INTS3: variants seen among roughly 807,000 people sequenced by gnomAD.
INTS3 encodes the protein SOSS complex subunit A.
A neutral mutation model predicts 146.3 loss-of-function variants in INTS3; 34 were observed. The ratio of observed to expected loss-of-function variants is 0.23; its 90% CI spans 0.18 to 0.31. The LOEUF is 0.31. INTS3 is among the 10% of genes least tolerant of loss of function. The pLI is 1.00. For missense variants in INTS3, 757 were observed against 1,304.2 expected, an observed-to-expected ratio of 0.58 and a Z score of 6.46; for synonymous variants, 475 against 494.9, an observed-to-expected ratio of 0.96 and a Z score of 0.53.
intron 11 of INTS3, chr1:153,760,041 T>C (rs1243608484): frequency 3.7e-6 from 2 of 546,014 alleles, no homozygotes; most frequent in Non-Finnish European, 3.3e-6. Context: ...GCCATTCATG[T>C]ATATTGACAT....
At chr1:153,752,469 T>C in intron 8 of INTS3, 61 bp downstream of exon 8, 1 of 1,539,750 alleles carries the variant, frequency 6.5e-7, no homozygotes, top group Non-Finnish European at 8.8e-7. Context: ...TATGTCTTGC[T>C]TGAATCAAGA....
chr1:153,734,294 C>CCCAGTCCG (rs1671204037), intron 1 of INTS3, among the ~76,000 whole-genome samples: 1 of 152,182 alleles, frequency 6.6e-6, no homozygotes, highest in African/African-American at 2.4e-5. Context: ...ATCTGGCTTC[C>CCCAGTCCG]TGTGGCTTTC....
At chr1:153,737,022 C>T (rs1671320658) in intron 1 of INTS3, among the ~76,000 whole-genome samples, 1 of 152,096 alleles carries the variant, frequency 6.6e-6, no homozygotes, top group Non-Finnish European at 1.5e-5. Context: ...CTACCTCAGC[C>T]TCCCAAAGTG....
Position 153,760,307 on chromosome 1 carries a change from C to G in INTS3, c.1238-4C>G, listed in dbSNP as rs372891632. 5 of 1,608,186 alleles carry G rather than the reference C, an allele frequency of 3.1e-6. No individual in the cohort carries two copies. The highest frequency in any genetic ancestry group is 1.7e-4 in the Middle Eastern group (1 of 6,038). ...GAGGGGCTCTTTAATTTCACATCCT[C>G]CAGAACCAGCCATCCTGGTCATGCA... On this transcript the variant is annotated splice_region_variant and splice_polypyrimidine_tract_variant and intron_variant, in intron 11 of 29. Coordinates refer to ENST00000318967, the MANE Select transcript of INTS3 (RefSeq NM_023015.5).
intron 20 of INTS3, chr1:153,767,252 A>C (rs1415279389): frequency 6.2e-6 from 1 of 161,796 alleles, no homozygotes; most frequent in Non-Finnish European, 1.3e-5. Context: ...TTTCTCTTCT[A>C]CAAGTTGTGT....
chr1:153,770,078 TGTGTG>T (rs1672767120), intron 23 of INTS3, 115 bp from the exon 24 acceptor site: 1 of 420,116 alleles, frequency 2.4e-6, no homozygotes, highest in South Asian at 2.2e-5. Context: ...TGTGTGTGTG[TGTGTG>T]TGTGTGTGTG....
At chr1:153,743,160 C>A (rs1234691330) in intron 3 of INTS3, among the ~76,000 whole-genome samples, 1 of 152,244 alleles carries the variant, frequency 6.6e-6, no homozygotes, top group Non-Finnish European at 1.5e-5. Context: ...TGTAAAAATA[C>A]TTCTGTCCTA....
intron 25 of INTS3, among the ~76,000 whole-genome samples, chr1:153,771,386 T>C (rs564728596): frequency 1.1e-4 from 16 of 152,304 alleles, no homozygotes; most frequent in Middle Eastern, 3.4e-3. Flanking sequence ...TATGGGGCTG[T>C]GACTTCACAA....
chr1:153,738,946 T>C (rs1332183392), intron 1 of INTS3, among the ~76,000 whole-genome samples: 7 of 150,990 alleles, frequency 4.6e-5, no homozygotes, highest in African/African-American at 1.7e-4. Context: ...CAGACTGGAG[T>C]GCAATGATGC....
intron 4 of INTS3, 56 bp downstream of exon 4, chr1:153,747,126 C>A: frequency 7.1e-7 from 1 of 1,400,846 alleles, no homozygotes; most frequent in Non-Finnish European, 1.0e-6. Context: ...TGGATCTTCT[C>A]TCTGTCAGGA....
rs1386267016 is a variant in INTS3 at position 153,772,852 on chromosome 1, G to A, written c.2895-73G>A. The A allele has an allele frequency of 2.5e-6, 4 of 1,599,940 alleles. No individual in the cohort carries two copies. The Admixed American group carries it at 5.0e-5, about 20-fold the overall frequency. On this transcript the variant is annotated intron_variant, in intron 28 of 29. Transcript: ENST00000318967. This position sits in a 1 kb window ranked among gnomAD's most constrained non-coding sequence, Gnocchi z 4.6. ...AGAAAAAGAAGGCCTAGGCCTGGGG[G>A]CAGAGAAGAGGATGGGAGGTGCCGT... is the stretch of plus-strand genomic sequence containing the variant.
intron 1 of INTS3, among the ~76,000 whole-genome samples, chr1:153,737,088 ATCCT>A (rs2101781596): frequency 6.6e-6 from 1 of 152,118 alleles, no homozygotes; most frequent in South Asian, 2.1e-4. Context: ...TTAAACCTCT[ATCCT>A]ATTATCCATA....
intron 1 of INTS3, among the ~76,000 whole-genome samples, chr1:153,735,919 G>T (rs1349185104): frequency 6.6e-6 from 1 of 152,038 alleles, no homozygotes; most frequent in South Asian, 2.1e-4. Flanking sequence ...GATGGGGTTG[G>T]GGGGGTCTCT....
chr1:153,739,231 T>C (rs1671423532), intron 1 of INTS3, among the ~76,000 whole-genome samples: 1 of 151,938 alleles, frequency 6.6e-6, no homozygotes, highest in Non-Finnish European at 1.5e-5. Context: ...GCCCAGCTAA[T>C]TTTTGTATTT....
At chr1:153,752,093 C>A in intron 7 of INTS3, 186 bp from the exon 8 acceptor site, 1 of 648,694 alleles carries the variant, frequency 1.5e-6, no homozygotes. Flanking sequence ...TATCAGTCCC[C>A]AGCTTCCAGC....
Position 153,757,679 on chromosome 1 carries a change from G to C in INTS3, c.1065G>C (p.Gly355=), listed in dbSNP as rs768197035. The change falls in exon 10 of 30, where the codon GGG becomes GGC. Residue 355 remains glycine, a synonymous_variant. Transcript: ENST00000318967. This position sits in a 1 kb window ranked among gnomAD's most constrained non-coding sequence, Gnocchi z 4.0. ...GTGACCTCATTCGCTACATCTGTGG[G>C]GTAGTCCACCCTTCTAATGAAGTAC... ...LRCDLIRYIC[G]VVHPSNEVLS... 26 of 1,614,008 alleles carry C rather than the reference G, an allele frequency of 1.6e-5. 1 individual carries two copies. In the South Asian group the frequency reaches 2.1e-4, roughly 13 times the overall value.
In INTS3 at chr1:153,728,770, G is replaced by T; in HGVS notation, c.136G>T (p.Asp46Tyr). 6.3e-7 allele frequency: 1 copy of T among 1,584,610 alleles called. No individual in the cohort carries two copies. The highest frequency in any genetic ancestry group is 8.6e-7 in the Non-Finnish European group (1 of 1,162,284). ...LLLSTSLDAK[D>Y]ELEERLERCM... is the part of the protein sequence containing the mutation. The stretch of plus-strand genomic sequence containing the variant: ...ACTTTCAACCAGTTTGGATGCCAAG[G>T]ATGAGTTAGAGGAGGTAGGTGTGGG... The change falls in exon 1 of 30, where the codon GAT becomes TAT. Residue 46 changes from aspartate (D) to tyrosine (Y), a missense_variant. This residue lies in a region of INTS3 where 160 missense variants were observed against 193.7 expected (regional missense o/e 0.83). Coordinates refer to ENST00000318967, the MANE Select transcript of INTS3 (RefSeq NM_023015.5).
chr1:153,760,926 A>G lies in INTS3; in HGVS notation c.1409+8A>G. The G allele has an allele frequency of 2.5e-6, 4 of 1,611,988 alleles. No homozygotes were observed. Among genetic ancestry groups the G allele is most frequent in the Non-Finnish European group, 3.4e-6 (4 of 1,178,074 alleles). On this transcript the variant is annotated splice_region_variant and intron_variant, in intron 13 of 29. Coordinates refer to ENST00000318967, the MANE Select transcript of INTS3 (RefSeq NM_023015.5). ...GGAGAAACGGGTCTTGGCGTAAGGA[A>G]TTTGGTGGGGGAAGGAGGTTGTTTT...
rs1024364979 is a variant in INTS3, at chr1:153,770,840, C to T, written c.2552+107C>T. Reference sequence around the variant, plus strand: ...TCCTTATTGCCATATTTTTTCCTGTCGTTAACATCTGCTTATTCTGCCCTT... The same window carrying T: ...TCCTTATTGCCATATTTTTTCCTGTTGTTAACATCTGCTTATTCTGCCCTT... On this transcript the variant is annotated intron_variant, in intron 25 of 29. Coordinates refer to ENST00000318967, the MANE Select transcript of INTS3 (RefSeq NM_023015.5). The T allele has an allele frequency of 2.7e-5, 23 of 867,038 alleles. No homozygotes were observed. The African/African-American group carries it at 2.8e-4, about 11-fold the overall frequency. The allele number at this position is 867,038 out of a possible 1,614,324, so 53.7% of individuals were successfully genotyped here. A position where few individuals can be genotyped will look rare whatever the true frequency, so the allele number is the denominator to read the frequency against.
Sources: gnomAD v4.1 joint callset for allele counts (sites outside exome capture counted in the v4.1 genomes callset) on GRCh38, gnomAD v4.1.1 for gene constraint, gnomAD v4.1.1 regional missense constraint, Gnocchi (gnomAD v3.1) non-coding constraint, MANE v1.5 for transcripts, NCBI Gene and HGNC (gene_info 2026-07-23, HGNC 2026-07-21) for gene names.